Variants in RTEL1 observed in about 807,000 individuals in gnomAD.
The protein encoded by RTEL1 is regulator of telomere length.
In RTEL1, 86 loss-of-function variants were observed where a neutral mutation model predicts 162.2. The ratio of observed to expected loss-of-function variants is 0.53; its 90% CI spans 0.45 to 0.63. The LOEUF (loss-of-function observed/expected upper bound fraction) is 0.63. RTEL1 is among the 30% of genes least tolerant of loss of function. The pLI is 0.00. For synonymous variants in RTEL1, 958 were observed against 717.9 expected, an observed-to-expected ratio of 1.33 and a Z score of -5.35; for missense variants, 1,941 against 1,750.2, an observed-to-expected ratio of 1.11 and a Z score of -1.95.
chr20:63,681,948 C>T (rs2090485273), intron 14 of RTEL1: 1 of 985,426 alleles, frequency 1.0e-6, no homozygotes. Context: ...GTGTGGTTGG[C>T]TCTTCAAGCA....
rs556069946 is a variant in RTEL1, at chr20:63,674,289, G to A, written c.919+196G>A. Among the ~76,000 whole-genome samples the A allele has an allele frequency of 4.6e-5, 7 of 152,346 alleles. No individual in the cohort carries two copies. The East Asian group carries it at 1.3e-3, about 29-fold the overall frequency. On this transcript the variant is annotated intron_variant, in intron 10 of 34. Transcript: ENST00000360203. ...GGCCTGGGCACCATCTATTCAGGCT[G>A]GCACTGCAGGGCATCCGCTTCTCTC...
At chr20:63,678,850 C>G (rs537527133) in intron 12 of RTEL1, among the ~76,000 whole-genome samples, 1 of 148,524 alleles carries the variant, frequency 6.7e-6, no homozygotes, top group Non-Finnish European at 1.5e-5. Context: ...CACACACTCC[C>G]ACGGAACAGC....
chr20:63,685,896 C>T, intron 16 of RTEL1, 24 bp downstream of exon 16: 12 of 1,602,522 alleles, frequency 7.5e-6, no homozygotes, highest in Non-Finnish European at 1.0e-5. Context: ...CCCACACGCT[C>T]CCCGCCCGCC....
intron 22 of RTEL1, 52 bp downstream of exon 22, chr20:63,689,184 G>A: frequency 6.5e-7 from 1 of 1,550,384 alleles, no homozygotes; most frequent in Non-Finnish European, 8.8e-7. Context: ...TCCCTGGTGG[G>A]TGCTTATGGC....
At chr20:63,693,061 G>T (rs769246088) in intron 29 of RTEL1, 58 bp downstream of exon 29, 3 of 1,609,698 alleles carry the variant, frequency 1.9e-6, no homozygotes, top group South Asian at 1.1e-5. Flanking sequence ...CGCGTGTGGG[G>T]TGGGGGCCAT....
chr20:63,685,416 A>C, intron 14 of RTEL1, 107 bp from the exon 15 acceptor site: 1 of 1,133,784 alleles, frequency 8.8e-7, no homozygotes. Flanking sequence ...GGGCCGGTGA[A>C]CCGATGACCC....
chr20:63,680,799 A>AT, intron 14 of RTEL1, 80 bp downstream of exon 14: 1 of 1,587,200 alleles, frequency 6.3e-7, no homozygotes, highest in Non-Finnish European at 8.6e-7. Context: ...TAGTTAACTG[A>AT]TTCTAGACTT....
In RTEL1 at chr20:63,696,224, A is replaced by C; in HGVS notation, c.*366A>C. The stretch of plus-strand genomic sequence containing the variant: ...TTTAATCAGGGGACAGGGCTCTCTA[A>C]TAAAGCTGCTGGCAGTGCCCAGGAC... On this transcript the variant is annotated 3_prime_UTR_variant, in exon 35 of 35. Coordinates refer to ENST00000360203, the MANE Select transcript of RTEL1 (RefSeq NM_001283009.2). 3 of 352,688 alleles carry C rather than the reference A, an allele frequency of 8.5e-6. No individual in the cohort carries two copies. Among genetic ancestry groups the C allele is most frequent in the Non-Finnish European group, 5.2e-6 (1 of 191,882 alleles). The allele number at this position is 352,688 out of a possible 1,614,324, so 21.8% of individuals were successfully genotyped here.
At position 63,694,989 on chromosome 20, in the gene RTEL1, C is replaced by T. The variant is rs931857190; in HGVS notation, c.3343+15C>T. Reference sequence around the variant, plus strand: ...CCTGCTGCACAGCAAGTGGCCCTGGCGTGGGGAACAGCCGGTGGGGTGGGG... The same window carrying T: ...CCTGCTGCACAGCAAGTGGCCCTGGTGTGGGGAACAGCCGGTGGGGTGGGG... On this transcript the variant is annotated intron_variant, in intron 32 of 34. Transcript: ENST00000360203. The T allele has an allele frequency of 1.8e-5, 29 of 1,609,980 alleles. No individual in the cohort carries two copies. The highest frequency in any genetic ancestry group is 8.8e-5 in the South Asian group (8 of 91,036).
chr20:63,666,896 G>A (rs1245994088), intron 7 of RTEL1, among the ~76,000 whole-genome samples: 3 of 145,586 alleles, frequency 2.1e-5, no homozygotes, highest in African/African-American at 5.1e-5. Flanking sequence ...CTGGAGTGCA[G>A]TGGTGCGATC....
At chr20:63,685,620 A>G (rs751507983) in intron 15 of RTEL1, 23 bp downstream of exon 15, 5 of 1,604,538 alleles carry the variant, frequency 3.1e-6, no homozygotes, top group Non-Finnish European at 3.4e-6. Flanking sequence ...TCCAGGAGGC[A>G]GGTGGAGGGC....
In RTEL1 at chr20:63,685,787, C is replaced by T. The variant is rs2090579569; in HGVS notation, c.1267-4C>T. Reference sequence around the variant, plus strand: ...CTCCACACTCCTGGTCCTGTCCCCTCCAGGTGCACATCCATCCTGATGCTG... The same window carrying T: ...CTCCACACTCCTGGTCCTGTCCCCTTCAGGTGCACATCCATCCTGATGCTG... On this transcript the variant is annotated splice_polypyrimidine_tract_variant and splice_region_variant and intron_variant, in intron 15 of 34. Transcript: ENST00000360203. 1 of 1,611,496 alleles carries T rather than the reference C, an allele frequency of 6.2e-7. No individual in the cohort carries two copies. The highest frequency in any genetic ancestry group is 1.3e-5 in the African/African-American group (1 of 74,908).
chr20:63,669,574 A>T (rs1347703419), intron 8 of RTEL1, among the ~76,000 whole-genome samples: 2 of 152,276 alleles, frequency 1.3e-5, no homozygotes, highest in Non-Finnish European at 2.9e-5. Flanking sequence ...TGACCAGAGT[A>T]TGTAAAATTC....
At chr20:63,686,416 G>A (rs1008345160) in intron 16 of RTEL1, 1 of 159,514 alleles carries the variant, frequency 6.3e-6, no homozygotes, top group South Asian at 1.8e-4. Context: ...CCTCGGCTCC[G>A]TGTCCGGAGC....
Position 63,691,783 on chromosome 20 carries a change from G to A in RTEL1, c.2598G>A (p.Arg866=), listed in dbSNP as rs2145439204. 4 of 1,612,508 alleles carry A rather than the reference G, an allele frequency of 2.5e-6. No homozygotes were observed. The highest frequency in any genetic ancestry group is 2.2e-5 in the South Asian group (2 of 91,084). ...CSTLSLLSEK[R]PAEEPRGGRK... The stretch of plus-strand genomic sequence containing the variant: ...CCCTGTCCCTCCTGTCTGAGAAGAG[G>A]CCGGCAGAAGAACCGCGAGGAGGGA... The change falls in exon 28 of 35, where the codon AGG becomes AGA. Residue 866 remains arginine, a synonymous_variant. Coordinates refer to ENST00000360203, the MANE Select transcript of RTEL1 (RefSeq NM_001283009.2).
intron 8 of RTEL1, among the ~76,000 whole-genome samples, chr20:63,672,277 G>A (rs1024430802): frequency 6.6e-5 from 10 of 152,188 alleles, no homozygotes; most frequent in African/African-American, 2.4e-4. Flanking sequence ...CTTCCTGACT[G>A]CGGTGGCCGG....
At chr20:63,687,472 G>C in intron 16 of RTEL1, 166 bp from the exon 17 acceptor site, 1 of 794,692 alleles carries the variant, frequency 1.3e-6, no homozygotes, top group Non-Finnish European at 1.9e-6. Context: ...CTCACACTCA[G>C]GGCAGCCTCC....
chr20:63,664,411 GACCTGGTGGGGACGCTGGGCCTGGT>G (rs1482774647), intron 6 of RTEL1, among the ~76,000 whole-genome samples: 3 of 152,094 alleles, frequency 2.0e-5, no homozygotes, highest in South Asian at 2.1e-4. Flanking sequence ...CTGGGCCTGG[GACCTGGTGGGGACGCTGGGCCTGGT>G]ACCTGGTGGG....
chr20:63,658,378 C>A lies in RTEL1; in HGVS notation c.-259C>A, dbSNP rs575558821. ...GCGAAAACTCTGAGCTGGCTGACAGCTGGGGACGGGTGGCGGCCCTCGACT... is the reference window on the plus strand; with the variant it reads ...GCGAAAACTCTGAGCTGGCTGACAGATGGGGACGGGTGGCGGCCCTCGACT... On this transcript the variant is annotated 5_prime_UTR_variant, in exon 1 of 35. The change creates a new upstream start codon in the 5' untranslated region. Coordinates refer to ENST00000360203, the MANE Select transcript of RTEL1 (RefSeq NM_001283009.2). The A allele has an allele frequency of 2.6e-5, 4 of 152,614 alleles. No homozygotes were observed. The highest frequency in any genetic ancestry group is 9.6e-5 in the African/African-American group (4 of 41,600). 9.5% of individuals were successfully genotyped at this position (152,614 alleles called of 1,614,324 possible).
Sources: gnomAD v4.1 joint callset for allele counts (sites outside exome capture counted in the v4.1 genomes callset) on GRCh38, gnomAD v4.1.1 for gene constraint, MANE v1.5 for transcripts, NCBI Gene and HGNC (gene_info 2026-07-23, HGNC 2026-07-21) for gene names.